Variants in XKR4 observed in about 807,000 individuals in gnomAD.
XKR4 encodes the protein XK related 4.
A neutral mutation model predicts 53.9 loss-of-function variants in XKR4; 12 were observed. That is an observed-to-expected ratio of 0.22 (90% CI 0.14 to 0.36). The LOEUF (loss-of-function observed/expected upper bound fraction) is 0.36, where lower values mean the gene tolerates loss of function less well. Among genes scored for constraint, XKR4 ranks in the 10% least tolerant of loss-of-function variants. The pLI, the probability that XKR4 is intolerant of heterozygous loss-of-function variation, is 1.00. For synonymous variants in XKR4, 354 were observed against 362.4 expected, an observed-to-expected ratio of 0.98 and a Z score of 0.26; for missense variants, 799 against 859.5, an observed-to-expected ratio of 0.93 and a Z score of 0.88.
Position 55,169,314 on chromosome 8 carries a change from T to C in XKR4, c.806+66020T>C, listed in dbSNP as rs559455118. Among the ~76,000 whole-genome samples the C allele has an allele frequency of 4.7e-4, 72 of 152,370 alleles. 1 individual carries two copies. Among genetic ancestry groups the C allele is most frequent in the African/African-American group, 1.5e-3 (63 of 41,594 alleles). On this transcript the variant is annotated intron_variant, in intron 1 of 2. Coordinates refer to ENST00000327381, the MANE Select transcript of XKR4 (RefSeq NM_052898.2). ...TGGTTTCTAACTAGACTGTTGCCACTGAACGCTGCAGGGAGGAAGGTGGGA... is the reference window on the plus strand; with the variant it reads ...TGGTTTCTAACTAGACTGTTGCCACCGAACGCTGCAGGGAGGAAGGTGGGA...
chr8:55,514,707 T>C (rs900743971), intron 2 of XKR4, among the ~76,000 whole-genome samples: 8 of 152,188 alleles, frequency 5.3e-5, no homozygotes, highest in Non-Finnish European at 1.2e-4. Flanking sequence ...TGTCTTTTTT[T>C]TTAAACGTGG....
intron 2 of XKR4, among the ~76,000 whole-genome samples, chr8:55,472,454 T>A (rs928538395): frequency 6.6e-6 from 1 of 152,148 alleles, no homozygotes; most frequent in African/African-American, 2.4e-5. Flanking sequence ...ATTATTAGTA[T>A]GTATAACTTG....
intron 1 of XKR4, among the ~76,000 whole-genome samples, chr8:55,153,649 C>G (rs1008699088): frequency 6.6e-6 from 1 of 152,192 alleles, no homozygotes; most frequent in African/African-American, 2.4e-5. Flanking sequence ...AAGTAACATG[C>G]TTGGATTAAG....
At chr8:55,132,354 C>T (rs1816567494) in intron 1 of XKR4, among the ~76,000 whole-genome samples, 1 of 152,158 alleles carries the variant, frequency 6.6e-6, no homozygotes, top group South Asian at 2.1e-4. Context: ...CACTTGAAGA[C>T]CCCTTGAAAG....
At chr8:55,244,011 C>G (rs547974582) in intron 1 of XKR4, among the ~76,000 whole-genome samples, 1 of 152,196 alleles carries the variant, frequency 6.6e-6, no homozygotes, top group African/African-American at 2.4e-5. Flanking sequence ...TTTGAAAAAA[C>G]CAAATATCCA....
In XKR4 at chr8:55,534,837, A is replaced by G. The variant is rs1036457593; in HGVS notation, c.*10610A>G. 6.0e-5 allele frequency: 9 copies of G among 150,726 alleles called. No homozygotes were observed. Among genetic ancestry groups the G allele is most frequent in the Non-Finnish European group, 1.2e-4 (8 of 67,842 alleles). The allele number at this position is 150,726 out of a possible 1,614,324, so 9.3% of individuals were successfully genotyped here. Reference sequence around the variant, plus strand: ...AAGTTACCAGAAGTTATCAGGTCATAGTTTCAGAGTATGCAAGAGAGTCGG... The same window carrying G: ...AAGTTACCAGAAGTTATCAGGTCATGGTTTCAGAGTATGCAAGAGAGTCGG... On this transcript the variant is annotated 3_prime_UTR_variant, in exon 3 of 3. Coordinates refer to ENST00000327381, the MANE Select transcript of XKR4 (RefSeq NM_052898.2).
At chr8:55,137,569 G>T (rs1816648296) in intron 1 of XKR4, among the ~76,000 whole-genome samples, 2 of 147,656 alleles carry the variant, frequency 1.4e-5, no homozygotes, top group South Asian at 4.3e-4. Context: ...TCACAGAAGA[G>T]AACTTTTTTT....
rs978678290 is a variant in XKR4 at position 55,537,911 on chromosome 8, G to A, written c.*13684G>A. 2 of 152,054 alleles carry A rather than the reference G, an allele frequency of 1.3e-5. No individual in the cohort carries two copies. The highest frequency in any genetic ancestry group is 4.8e-5 in the African/African-American group (2 of 41,386). The allele number at this position is 152,054 out of a possible 1,614,324, so 9.4% of individuals were successfully genotyped here. ...CTTTTTACCTTCATGTTACCAACAGGATGTTTAGTTGAATCAGCAACAAAG... is the reference window on the plus strand; with the variant it reads ...CTTTTTACCTTCATGTTACCAACAGAATGTTTAGTTGAATCAGCAACAAAG... On this transcript the variant is annotated 3_prime_UTR_variant, in exon 3 of 3. Transcript: ENST00000327381.
At chr8:55,154,111 C>T (rs1702069515) in intron 1 of XKR4, among the ~76,000 whole-genome samples, 1 of 152,148 alleles carries the variant, frequency 6.6e-6, no homozygotes, top group African/African-American at 2.4e-5. Context: ...AGATTGAATT[C>T]CTCTCCCTAT....
intron 1 of XKR4, among the ~76,000 whole-genome samples, chr8:55,301,938 T>G (rs1819206050): frequency 6.6e-6 from 1 of 152,246 alleles, no homozygotes; most frequent in African/African-American, 2.4e-5. Context: ...TCTCCCATTT[T>G]GTAGGTTGCC....
At chr8:55,232,324 G>T (rs972508508) in intron 1 of XKR4, among the ~76,000 whole-genome samples, 1 of 152,220 alleles carries the variant, frequency 6.6e-6, no homozygotes, top group African/African-American at 2.4e-5. Context: ...GAGCCCATTA[G>T]CACCCAGCTG....
chr8:55,424,483 T>C (rs1804982681), intron 2 of XKR4, among the ~76,000 whole-genome samples: 1 of 152,238 alleles, frequency 6.6e-6, no homozygotes, highest in African/African-American at 2.4e-5. Flanking sequence ...TAAGAACCTT[T>C]CCAGGGTCTG....
chr8:55,225,160 A>G (rs1000131345), intron 1 of XKR4, among the ~76,000 whole-genome samples: 1 of 152,204 alleles, frequency 6.6e-6, no homozygotes, highest in East Asian at 1.9e-4. Flanking sequence ...CAGTATGACT[A>G]TGCATAATCC....
chr8:55,389,952 G>C (rs571742506), intron 2 of XKR4, among the ~76,000 whole-genome samples: 17 of 152,236 alleles, frequency 1.1e-4, no homozygotes, highest in South Asian at 8.3e-4. Context: ...CCTGCCCAGG[G>C]CTGATTCTAG....
chr8:55,493,414 C>A (rs1806298631), intron 2 of XKR4, among the ~76,000 whole-genome samples: 1 of 152,218 alleles, frequency 6.6e-6, no homozygotes, highest in African/African-American at 2.4e-5. Context: ...CTGTAGTCAC[C>A]TGCCTCTGCC....
At chr8:55,420,193 C>T (rs1439736399) in intron 2 of XKR4, among the ~76,000 whole-genome samples, 1 of 151,934 alleles carries the variant, frequency 6.6e-6, no homozygotes, top group Non-Finnish European at 1.5e-5. Context: ...TGAGTCAACC[C>T]CAGTGAAAAG....
chr8:55,435,544 G>A (rs1275446873), intron 2 of XKR4, among the ~76,000 whole-genome samples: 2 of 150,980 alleles, frequency 1.3e-5, no homozygotes, highest in East Asian at 3.9e-4. Context: ...AGACCTAATA[G>A]GCAACCTCTT....
At chr8:55,325,378 G>A (rs1306134892) in intron 1 of XKR4, among the ~76,000 whole-genome samples, 2 of 152,102 alleles carry the variant, frequency 1.3e-5, no homozygotes, top group Admixed American at 6.5e-5. Flanking sequence ...TCTCACCTCA[G>A]GGATTTCTTC....
chr8:55,168,826 A>G (rs1485372999), intron 1 of XKR4, among the ~76,000 whole-genome samples: 1 of 152,122 alleles, frequency 6.6e-6, no homozygotes. Flanking sequence ...TTACAAATGC[A>G]GGTATGGTAA....
Sources: gnomAD v4.1 joint callset for allele counts (sites outside exome capture counted in the v4.1 genomes callset) on GRCh38, gnomAD v4.1.1 for gene constraint, MANE v1.5 for transcripts, NCBI Gene and HGNC (gene_info 2026-07-23, HGNC 2026-07-21) for gene names.